The following AQR variants were observed in gnomAD, a reference collection of about 807,000 sequenced individuals.
AQR encodes RNA helicase aquarius.
In AQR, 61 loss-of-function variants were observed where a neutral mutation model predicts 180.5. The observed-to-expected ratio is 0.34, with a 90% CI of 0.28 to 0.42. The LOEUF (loss-of-function observed/expected upper bound fraction) is 0.42, where lower values mean the gene tolerates loss of function less well. Among genes scored for constraint, AQR ranks in the 10% least tolerant of loss-of-function variants. AQR has a pLI of 1.00. For synonymous variants in AQR, 551 were observed against 588.8 expected (o/e 0.94, Z 0.93); for missense variants, 1,281 against 1,798.3 (o/e 0.71, Z 5.20).
At chr15:34,888,468 A>G (rs920514018) in intron 24 of AQR, among the ~76,000 whole-genome samples, 3 of 151,922 alleles carry the variant, frequency 2.0e-5, no homozygotes, top group Non-Finnish European at 4.4e-5. Flanking sequence ...GGAGGCCAAG[A>G]TGGATTGCCT....
intron 24 of AQR, among the ~76,000 whole-genome samples, chr15:34,889,768 T>A (rs1893115207): frequency 6.6e-6 from 1 of 152,158 alleles, no homozygotes; most frequent in African/African-American, 2.4e-5. Flanking sequence ...CCTCCCGGGT[T>A]ACAGCGATTC....
chr15:34,856,780 A>G lies in AQR; in HGVS notation c.*12T>C. The stretch of plus-strand genomic sequence containing the variant: ...GACTGCCATGTCCTCCTTTAGAAGG[A>G]CTACAGTTTGGCTACTTGGTCTCTT... On this transcript the variant is annotated 3_prime_UTR_variant, in exon 35 of 35. Coordinates refer to ENST00000156471, the MANE Select transcript of AQR (RefSeq NM_014691.3). The G allele has an allele frequency of 6.6e-7, 1 of 1,512,754 alleles. No individual in the cohort carries two copies. Among genetic ancestry groups the G allele is most frequent in the East Asian group, 2.3e-5 (1 of 43,906 alleles). 93.7% of individuals were successfully genotyped at this position (1,512,754 alleles called of 1,614,324 possible).
At chr15:34,903,163 A>C (rs1893358372) in intron 19 of AQR, among the ~76,000 whole-genome samples, 1 of 152,158 alleles carries the variant, frequency 6.6e-6, no homozygotes, top group Admixed American at 6.6e-5. Flanking sequence ...ACACCATGTG[A>C]AAAGTCTTGG....
At chr15:34,950,084 C>CTTTTTTTTTTTTTTT (rs1174370425) in intron 4 of AQR, among the ~76,000 whole-genome samples, 10 of 74,082 alleles carry the variant, frequency 1.3e-4, no homozygotes, top group African/African-American at 1.7e-4. Context: ...TGCTATTTTC[C>CTTTTTTTTTTTTTTT]TTTTTTTTTT....
chr15:34,950,084 C>CTTTTTTTTTTTT (rs1174370425), intron 4 of AQR, among the ~76,000 whole-genome samples: 10 of 74,060 alleles, frequency 1.4e-4, no homozygotes, highest in Non-Finnish European at 1.6e-4. Context: ...TGCTATTTTC[C>CTTTTTTTTTTTT]TTTTTTTTTT....
rs560310388 is a variant in AQR at position 34,855,844 on chromosome 15, A to G, written c.*948T>C. On this transcript the variant is annotated 3_prime_UTR_variant, in exon 35 of 35. Coordinates refer to ENST00000156471, the MANE Select transcript of AQR (RefSeq NM_014691.3). ...GTTCACAAATCATACTTGAGTAGCAAGGTCCCAGGTACCTCTGCCTTCCCA... is the reference window on the plus strand; with the variant it reads ...GTTCACAAATCATACTTGAGTAGCAGGGTCCCAGGTACCTCTGCCTTCCCA... 3 of 152,330 alleles carry G rather than the reference A, an allele frequency of 2.0e-5. No individual in the cohort carries two copies. The South Asian group carries it at 6.2e-4, about 32-fold the overall frequency. 9.4% of individuals were successfully genotyped at this position (152,330 alleles called of 1,614,324 possible).
rs1050114588 is a variant in AQR at position 34,853,222 on chromosome 15, G to A, written c.*3570C>T. The A allele has an allele frequency of 1.3e-5, 2 of 150,274 alleles. No homozygotes were observed. The highest frequency in any genetic ancestry group is 4.9e-5 in the African/African-American group (2 of 40,660). The allele number at this position is 150,274 out of a possible 1,614,324, so 9.3% of individuals were successfully genotyped here. A position where few individuals can be genotyped will look rare whatever the true frequency, so the allele number is the denominator to read the frequency against. On this transcript the variant is annotated 3_prime_UTR_variant, in exon 35 of 35. Transcript: ENST00000156471. Reference sequence around the variant, plus strand: ...CAGGAAGCAAGGCACTGCTCTTCTGGCTTATGCAAAAGGGTCACTGTTTTT... The same window carrying A: ...CAGGAAGCAAGGCACTGCTCTTCTGACTTATGCAAAAGGGTCACTGTTTTT...
intron 13 of AQR, among the ~76,000 whole-genome samples, chr15:34,924,175 C>G (rs1422528952): frequency 6.6e-6 from 1 of 152,114 alleles, no homozygotes; most frequent in Non-Finnish European, 1.5e-5. Flanking sequence ...TAAAGAAGAA[C>G]ATTCCCAATT....
chr15:34,969,632 A>C lies in AQR; in HGVS notation c.-19T>G, dbSNP rs1423024003. 6.2e-7 allele frequency: 1 copy of C among 1,610,338 alleles called. No homozygotes were observed. The highest frequency in any genetic ancestry group is 8.5e-7 in the Non-Finnish European group (1 of 1,179,424). On this transcript the variant is annotated 5_prime_UTR_variant, in exon 1 of 35. Coordinates refer to ENST00000156471, the MANE Select transcript of AQR (RefSeq NM_014691.3). ...CTGCCATGGCAGCACTCTTCCCTCC[A>C]CTCCAGTGGAAACTAAAGGACCGCT... is the stretch of plus-strand genomic sequence containing the variant.
At chr15:34,953,001 A>G in intron 3 of AQR, 81 bp from the exon 4 acceptor site, 1 of 808,146 alleles carries the variant, frequency 1.2e-6, no homozygotes, top group South Asian at 1.8e-5. Flanking sequence ...GCATTTAGGG[A>G]TGTTTTGTTT....
chr15:34,955,733 C>T (rs2140505350), intron 3 of AQR, among the ~76,000 whole-genome samples: 2 of 152,162 alleles, frequency 1.3e-5, no homozygotes, highest in Admixed American at 1.3e-4. Context: ...CATGGCGAAA[C>T]CCCGTCTCTA....
chr15:34,941,929 T>G (rs16960140), intron 7 of AQR, 83 bp downstream of exon 7: 67,096 of 1,011,772 alleles, frequency 0.066, 2,486 homozygotes, highest in Middle Eastern at 0.085. Flanking sequence ...ACCACTTGTA[T>G]ATCCAGATTA....
At position 34,874,017 on chromosome 15, in the gene AQR, C is replaced by A. The variant is rs1250925681; in HGVS notation, c.3426-18G>T. ...TGCACAAGCTTTCCAAAGACAAATT[C>A]CCCCACAAACAGAAAATATTAGCAG... On this transcript the variant is annotated intron_variant, in intron 29 of 34. Coordinates refer to ENST00000156471, the MANE Select transcript of AQR (RefSeq NM_014691.3). The A allele has an allele frequency of 6.3e-7, 1 of 1,575,708 alleles. No homozygotes were observed. Among genetic ancestry groups the A allele is most frequent in the Non-Finnish European group, 8.6e-7 (1 of 1,160,124 alleles).
chr15:34,914,595 G>A (rs1893553053), intron 16 of AQR, among the ~76,000 whole-genome samples: 2 of 152,140 alleles, frequency 1.3e-5, no homozygotes. Flanking sequence ...TAGAGAGGCT[G>A]CCTGAGAATA....
At chr15:34,943,083 G>A in intron 6 of AQR, 4 of 1,611,560 alleles carry the variant, frequency 2.5e-6, no homozygotes, top group Non-Finnish European at 2.5e-6. Context: ...CGCAAGCATG[G>A]TTAACGTCCC....
rs1458672871 is a variant in AQR, at chr15:34,853,241, TG to T, written c.*3550del. 1 of 144,402 alleles carries T rather than the reference TG, an allele frequency of 6.9e-6. No individual in the cohort carries two copies. The highest frequency in any genetic ancestry group is 2.8e-5 in the African/African-American group (1 of 35,344). The allele number at this position is 144,402 out of a possible 1,614,324, so 8.9% of individuals were successfully genotyped here. ...CTTCTGGCTTATGCAAAAGGGTCACTGTTTTTTTTTTTTTTTTAACTTTATC... is the reference window on the plus strand; with the variant it reads ...CTTCTGGCTTATGCAAAAGGGTCACTTTTTTTTTTTTTTTTTAACTTTATC... On this transcript the variant is annotated 3_prime_UTR_variant, in exon 35 of 35. Coordinates refer to ENST00000156471, the MANE Select transcript of AQR (RefSeq NM_014691.3).
intron 27 of AQR, among the ~76,000 whole-genome samples, chr15:34,880,497 T>G (rs976541005): frequency 6.6e-6 from 1 of 152,120 alleles, no homozygotes; most frequent in African/African-American, 2.4e-5. Flanking sequence ...AACACAGTTT[T>G]GGGTTGAATT....
At position 34,866,297 on chromosome 15, in the gene AQR, CCAA is replaced by C. The variant is rs529659875; in HGVS notation, c.3854+1224_3854+1226del. 2.7e-3 allele frequency among the ~76,000 whole-genome samples: 417 copies of C among 152,210 alleles called. 1 individual carries two copies. Among genetic ancestry groups the C allele is most frequent in the African/African-American group, 9.5e-3 (396 of 41,546 alleles). ...ATATCCCTTCTATGCACAACCACCA[CCAA>C]CACTATCCCCCATGAAGAAGTTGGA... On this transcript the variant is annotated intron_variant, in intron 32 of 34. Transcript: ENST00000156471.
chr15:34,857,945 T>A (rs1033738280), intron 34 of AQR, among the ~76,000 whole-genome samples: 3 of 152,150 alleles, frequency 2.0e-5, no homozygotes, highest in Non-Finnish European at 2.9e-5. Context: ...TCAGGGACTC[T>A]GCTTACAATG....
Sources: allele counts gnomAD v4.1 joint callset (sites outside exome capture counted in the v4.1 genomes callset), GRCh38; gene constraint gnomAD v4.1.1; transcripts MANE v1.5; gene names NCBI Gene and HGNC (gene_info 2026-07-23, HGNC 2026-07-21).